Variants in SIPA1L1 observed in about 807,000 individuals in gnomAD.
The protein encoded by SIPA1L1 is signal induced proliferation associated 1 like 1, also known as signal-induced proliferation-associated 1-like protein 1.
SIPA1L1 carries 26 observed loss-of-function variants against 162.7 expected under a neutral mutation model. That is an observed-to-expected ratio of 0.16 (90% confidence interval 0.12 to 0.22). SIPA1L1 has a LOEUF of 0.22. Among genes scored for constraint, SIPA1L1 ranks in the 10% least tolerant of loss-of-function variants. The pLI is 1.00. For missense variants in SIPA1L1, 1,874 were observed against 2,241.0 expected, an observed-to-expected ratio of 0.84 and a Z score of 3.31; for synonymous variants, 829 against 837.4, an observed-to-expected ratio of 0.99 and a Z score of 0.17.
chr14:71,625,863 T>C lies in SIPA1L1; in HGVS notation c.1818+1627T>C, dbSNP rs112356278. On this transcript the variant is annotated intron_variant, in intron 7 of 23. Coordinates refer to ENST00000381232, the MANE Select transcript of SIPA1L1 (RefSeq NM_001386936.1). ...AGGAGATAGTTATTGCCATTTTCTT[T>C]TGTTTTAACTATATTAAATAAAAAT... Among the ~76,000 whole-genome samples the C allele has an allele frequency of 4.5e-3, 686 of 152,360 alleles. 7 individuals are homozygous for C. Among genetic ancestry groups the C allele is most frequent in the African/African-American group, 0.016 (650 of 41,588 alleles).
At chr14:71,328,487 AAC>A (rs2034095357) in intron 2 of SIPA1L1, among the ~76,000 whole-genome samples, 1 of 152,204 alleles carries the variant, frequency 6.6e-6, no homozygotes, top group African/African-American at 2.4e-5. Flanking sequence ...CCCAGTTGAA[AAC>A]ACAGTGGCTT....
rs1566948821 is a variant in SIPA1L1 at position 71,377,514 on chromosome 14, C to G, written c.-465+56333C>G. ...CAGACTGGGTGGCCAGGCAGAGGGG[C>G]TCCTCACATCCCAGACCATGGGCAG... On this transcript the variant is annotated intron_variant, in intron 2 of 23. Coordinates refer to ENST00000381232, the MANE Select transcript of SIPA1L1 (RefSeq NM_001386936.1). This position sits in a 1 kb window ranked among gnomAD's most constrained non-coding sequence, Gnocchi z 4.8. Among the ~76,000 whole-genome samples, 1 of 151,850 alleles carries G rather than the reference C, an allele frequency of 6.6e-6. No individual in the cohort carries two copies. Among genetic ancestry groups the G allele is most frequent in the Admixed American group, 6.6e-5 (1 of 15,258 alleles).
intron 17 of SIPA1L1, among the ~76,000 whole-genome samples, chr14:71,710,363 A>C (rs1416589557): frequency 1.3e-5 from 2 of 152,226 alleles, no homozygotes. Context: ...CAAGATCCAC[A>C]TAGGGAAGAA....
chr14:71,663,070 A>G (rs774412675), intron 10 of SIPA1L1, among the ~76,000 whole-genome samples: 1 of 152,230 alleles, frequency 6.6e-6, no homozygotes, highest in South Asian at 2.1e-4. Flanking sequence ...AGTACCGTCC[A>G]ATGGGACTAT....
At position 71,709,695 on chromosome 14, in the gene SIPA1L1, A is replaced by G. The variant is rs1394369376; in HGVS notation, c.4208+31A>G. 4.4e-6 allele frequency: 7 copies of G among 1,577,824 alleles called. No individual in the cohort carries two copies. In the South Asian group the frequency reaches 5.9e-5, roughly 13 times the overall value. On this transcript the variant is annotated intron_variant, in intron 17 of 23. Coordinates refer to ENST00000381232, the MANE Select transcript of SIPA1L1 (RefSeq NM_001386936.1). Reference sequence around the variant, plus strand: ...CACCCTTCCCCGCTGTCTGATTCCCAGCCCAGACCTAAGCCCAGTTCCCTG... The same window carrying G: ...CACCCTTCCCCGCTGTCTGATTCCCGGCCCAGACCTAAGCCCAGTTCCCTG...
intron 2 of SIPA1L1, among the ~76,000 whole-genome samples, chr14:71,332,261 G>T (rs953548908): frequency 8.5e-5 from 13 of 152,116 alleles, no homozygotes; most frequent in African/African-American, 3.1e-4. Flanking sequence ...GCCAGGGACT[G>T]GTGGCTGCTG....
intron 6 of SIPA1L1, among the ~76,000 whole-genome samples, chr14:71,623,160 CCTT>C (rs2039625364): frequency 6.6e-6 from 1 of 152,120 alleles, no homozygotes; most frequent in Admixed American, 6.6e-5. Context: ...GTATACTTGT[CCTT>C]CTGAGATTGC....
intron 2 of SIPA1L1, among the ~76,000 whole-genome samples, chr14:71,397,386 T>C (rs2041288143): frequency 6.6e-6 from 1 of 152,042 alleles, no homozygotes. Context: ...ATTGCAGCAA[T>C]CTTATTAACT....
At chr14:71,431,864 A>G (rs567093002) in intron 2 of SIPA1L1, among the ~76,000 whole-genome samples, 1 of 152,222 alleles carries the variant, frequency 6.6e-6, no homozygotes, top group African/African-American at 2.4e-5. Flanking sequence ...AGGCATGCAA[A>G]TTTATTTAAT....
intron 2 of SIPA1L1, among the ~76,000 whole-genome samples, chr14:71,347,673 G>A (rs1398220881): frequency 1.3e-5 from 2 of 152,154 alleles, no homozygotes; most frequent in South Asian, 2.1e-4. Flanking sequence ...GCCAACACTT[G>A]TTACTGTATG....
chr14:71,445,685 T>G (rs1250230638), intron 2 of SIPA1L1, among the ~76,000 whole-genome samples: 1 of 152,208 alleles, frequency 6.6e-6, no homozygotes, highest in African/African-American at 2.4e-5. Flanking sequence ...CATTTGTTGA[T>G]TGTAACATTT....
chr14:71,474,815 T>G (rs1306873975), intron 2 of SIPA1L1, among the ~76,000 whole-genome samples: 1 of 152,256 alleles, frequency 6.6e-6, no homozygotes, highest in African/African-American at 2.4e-5. Context: ...TTTTCTAACT[T>G]GCATTTTTGC....
intron 12 of SIPA1L1, among the ~76,000 whole-genome samples, chr14:71,674,291 G>A (rs2149402287): frequency 6.6e-6 from 1 of 152,212 alleles, no homozygotes; most frequent in East Asian, 1.9e-4. Flanking sequence ...GACTGTGGGT[G>A]GGATGAGACA....
chr14:71,396,970 C>T (rs909654992), intron 2 of SIPA1L1, among the ~76,000 whole-genome samples: 1 of 152,086 alleles, frequency 6.6e-6, no homozygotes, highest in East Asian at 1.9e-4. Flanking sequence ...TATTTACTGA[C>T]GTTTTTTAAG....
intron 12 of SIPA1L1, among the ~76,000 whole-genome samples, chr14:71,674,549 G>GTTTTT (rs776605036): frequency 1.5e-5 from 2 of 137,396 alleles, no homozygotes; most frequent in African/African-American, 2.8e-5. Flanking sequence ...TAGCATTCCT[G>GTTTTT]TTTTTTTTTT....
chr14:71,540,861 T>G (rs2054317640), intron 4 of SIPA1L1, among the ~76,000 whole-genome samples: 1 of 152,190 alleles, frequency 6.6e-6, no homozygotes, highest in Admixed American at 6.5e-5. Flanking sequence ...GCAGGGTGGC[T>G]CAGGCCTGTA....
intron 16 of SIPA1L1, among the ~76,000 whole-genome samples, chr14:71,705,727 A>G (rs954161618): frequency 1.3e-5 from 2 of 152,072 alleles, no homozygotes; most frequent in East Asian, 2.0e-4. Flanking sequence ...TGCTCCAACC[A>G]TATCTTTGAT....
chr14:71,659,428 TAGAG>T (rs2043323456), intron 9 of SIPA1L1, among the ~76,000 whole-genome samples: 1 of 152,160 alleles, frequency 6.6e-6, no homozygotes, highest in African/African-American at 2.4e-5. Context: ...TAATAAAAAA[TAGAG>T]AGCAAAGCAA....
intron 5 of SIPA1L1, among the ~76,000 whole-genome samples, chr14:71,612,937 G>A (rs1319199680): frequency 6.6e-6 from 1 of 152,006 alleles, no homozygotes; most frequent in Non-Finnish European, 1.5e-5. Context: ...GTTACTCTTT[G>A]TACCATCCTG....
Sources: allele counts gnomAD v4.1 joint callset (sites outside exome capture counted in the v4.1 genomes callset), GRCh38; gene constraint gnomAD v4.1.1; non-coding constraint Gnocchi (gnomAD v3.1); transcripts MANE v1.5; gene names NCBI Gene and HGNC (gene_info 2026-07-23, HGNC 2026-07-21).